LGSN: variants seen among roughly 807,000 people sequenced by gnomAD.
LGSN encodes lengsin.
In LGSN, 21 loss-of-function variants were observed where a neutral mutation model predicts 19.5. That is an observed-to-expected ratio of 1.07 (90% CI 0.76 to 1.55). The LOEUF (loss-of-function observed/expected upper bound fraction) is 1.55. Ranked by LOEUF, LGSN falls within the 40% of genes most tolerant of loss-of-function variation. The probability of loss-of-function intolerance (pLI) is 0.00; values close to 1 mark genes in which losing one functional copy is unlikely to be tolerated. For synonymous variants in LGSN, 257 were observed against 215.6 expected (o/e 1.19, Z -1.68); for missense variants, 673 against 608.5 (o/e 1.11, Z -1.12).
chr6:63,308,062 A>T (rs1768469343), intron 1 of LGSN, among the ~76,000 whole-genome samples: 1 of 152,182 alleles, frequency 6.6e-6, no homozygotes, highest in African/African-American at 2.4e-5. Flanking sequence ...AGTGAGGTAA[A>T]CCAGGCTGGA....
the LGSN span, among the ~76,000 whole-genome samples, chr6:63,434,855 G>A: frequency 6.6e-6 from 1 of 152,084 alleles, no homozygotes; most frequent in Non-Finnish European, 1.5e-5. Context: ...AGTGAAGAAA[G>A]AGGAAAGGTA....
chr6:63,453,948 G>C, the LGSN span, among the ~76,000 whole-genome samples: 1 of 152,058 alleles, frequency 6.6e-6, no homozygotes, highest in African/African-American at 2.4e-5. Context: ...GAGCCACCGC[G>C]CCCGGCCGTC....
the LGSN span, among the ~76,000 whole-genome samples, chr6:63,432,173 A>C: frequency 3.4e-5 from 1 of 29,552 alleles, no homozygotes; most frequent in Non-Finnish European, 6.2e-5. Context: ...AAGAAAGAAA[A>C]GGAAAGAAAG....
chr6:63,547,943 TC>T, the LGSN span, among the ~76,000 whole-genome samples: 4 of 152,154 alleles, frequency 2.6e-5, no homozygotes, highest in Non-Finnish European at 4.4e-5. Context: ...CCCTTAAAGT[TC>T]CCCATTATCT....
chr6:63,408,618 G>A, the LGSN span, among the ~76,000 whole-genome samples: 2 of 150,460 alleles, frequency 1.3e-5, no homozygotes, highest in Admixed American at 1.3e-4. Flanking sequence ...ACATAGGCAT[G>A]GGCAAGGACT....
chr6:63,572,557 G>A, the LGSN span: 1 of 410,432 alleles, frequency 2.4e-6, no homozygotes, highest in Non-Finnish European at 4.2e-6. Flanking sequence ...TCACTGCATG[G>A]TAGAGTCTGG....
At position 63,276,316 on chromosome 6, in the gene LGSN, C is replaced by T. The variant is rs1055243032; in HGVS notation, c.*3705G>A. On this transcript the variant is annotated 3_prime_UTR_variant, in exon 4 of 4. Coordinates refer to ENST00000370657, the MANE Select transcript of LGSN (RefSeq NM_016571.3). ...ATTGCCTTCAAATAATCATTTCAAG[C>T]GTTGTTGTTATTCACACACTGTAAA... The T allele has an allele frequency of 3.9e-5, 6 of 152,096 alleles. No individual in the cohort carries two copies. The highest frequency in any genetic ancestry group is 5.9e-5 in the Non-Finnish European group (4 of 67,992). 9.4% of individuals were successfully genotyped at this position (152,096 alleles called of 1,614,324 possible).
chr6:63,319,991 A>T (rs1032350051), upstream of LGSN: 4 of 1,392,992 alleles, frequency 2.9e-6, no homozygotes, highest in Non-Finnish European at 4.1e-6. Context: ...ATCCTCAACA[A>T]ATGCATTCAA....
At chr6:63,472,087 C>T in the LGSN span, among the ~76,000 whole-genome samples, 3 of 152,158 alleles carry the variant, frequency 2.0e-5, no homozygotes, top group African/African-American at 7.2e-5. Context: ...TTCTGATTTG[C>T]CTCCTTGTAA....
the LGSN span, among the ~76,000 whole-genome samples, chr6:63,399,690 C>T: frequency 6.6e-6 from 1 of 151,014 alleles, no homozygotes; most frequent in Non-Finnish European, 1.5e-5. Context: ...GCCACTGCAC[C>T]CGGCCATCAT....
intron 3 of LGSN, among the ~76,000 whole-genome samples, chr6:63,283,823 C>T (rs1767418394): frequency 6.6e-6 from 1 of 152,076 alleles, no homozygotes; most frequent in African/African-American, 2.4e-5. Flanking sequence ...GCCTCAGCTT[C>T]CCAAGTAGCT....
the LGSN span, among the ~76,000 whole-genome samples, chr6:63,551,422 C>T: frequency 2.0e-5 from 3 of 152,132 alleles, no homozygotes; most frequent in African/African-American, 7.2e-5. Flanking sequence ...ATAAAATGTC[C>T]ACAATTCATA....
the LGSN span, among the ~76,000 whole-genome samples, chr6:63,328,326 C>G: frequency 6.6e-6 from 1 of 152,150 alleles, no homozygotes; most frequent in Non-Finnish European, 1.5e-5. Flanking sequence ...CAGTCATGCT[C>G]GATTGGTTCC....
chr6:63,500,882 C>T, the LGSN span, among the ~76,000 whole-genome samples: 81,260 of 151,726 alleles, frequency 0.54, 23,566 homozygotes, highest in African/African-American at 0.77. Context: ...CACGTGCCAC[C>T]AGGCCTGGCT....
At chr6:63,301,421 T>C (rs1186696946) in intron 1 of LGSN, among the ~76,000 whole-genome samples, 2 of 152,240 alleles carry the variant, frequency 1.3e-5, no homozygotes, top group South Asian at 2.1e-4. Flanking sequence ...TTAGAGGTTA[T>C]TTAAAGGTTC....
the LGSN span, among the ~76,000 whole-genome samples, chr6:63,484,913 C>A: frequency 1.3e-5 from 2 of 152,056 alleles, no homozygotes; most frequent in African/African-American, 4.8e-5. Context: ...ATGTGGACAC[C>A]CTGTATCTCC....
chr6:63,405,526 C>A, the LGSN span, among the ~76,000 whole-genome samples: 2 of 152,218 alleles, frequency 1.3e-5, no homozygotes, highest in Non-Finnish European at 2.9e-5. Flanking sequence ...TATCTCATTG[C>A]AGTTTTGATT....
At chr6:63,437,828 G>A in the LGSN span, among the ~76,000 whole-genome samples, 1 of 152,246 alleles carries the variant, frequency 6.6e-6, no homozygotes, top group East Asian at 1.9e-4. Context: ...TACTTGGGAG[G>A]CTGAGGCAGG....
chr6:63,440,858 G>C, the LGSN span: 8 of 171,744 alleles, frequency 4.7e-5, no homozygotes, highest in Non-Finnish European at 7.7e-5. Context: ...ATGAAGACCC[G>C]GTCAAGGAGC....
Sources: gnomAD v4.1 joint callset for allele counts (sites outside exome capture counted in the v4.1 genomes callset) on GRCh38, gnomAD v4.1.1 for gene constraint, MANE v1.5 for transcripts, NCBI Gene and HGNC (gene_info 2026-07-23, HGNC 2026-07-21) for gene names.